The following SLC25A28 variants were observed in gnomAD, a reference collection of about 807,000 sequenced individuals.
SLC25A28 encodes the protein mitoferrin-2.
SLC25A28 carries 10 observed loss-of-function variants against 31.9 expected under a neutral mutation model. That is an observed-to-expected ratio of 0.31 (90% CI 0.19 to 0.53). SLC25A28 has a LOEUF of 0.53. Ranked by LOEUF, SLC25A28 falls within the 20% of genes least tolerant of loss-of-function variation. SLC25A28 has a pLI of 0.95. For synonymous variants in SLC25A28, 208 were observed against 203.6 expected (o/e 1.02, Z -0.19); for missense variants, 256 against 490.3 (o/e 0.52, Z 4.51).
chr10:99,620,281 G>T lies in SLC25A28; in HGVS notation c.55C>A (p.Pro19Thr). The T allele has an allele frequency of 1.7e-6, 2 of 1,194,736 alleles. No individual in the cohort carries two copies. Among genetic ancestry groups the T allele is most frequent in the Non-Finnish European group, 2.1e-6 (2 of 964,316 alleles). 74.0% of individuals were successfully genotyped at this position (1,194,736 alleles called of 1,614,324 possible). The change falls in exon 1 of 4, where the codon CCC (proline) becomes ACC (threonine). Residue 19 changes from proline (P) to threonine (T), a missense_variant. Pro to Thr is a conservative substitution (Grantham distance 38, BLOSUM62 -1). This residue lies in a region of SLC25A28 where 47 missense variants were observed against 41.4 expected (regional missense o/e 1.14). Coordinates refer to ENST00000370495, the MANE Select transcript of SLC25A28 (RefSeq NM_031212.4). ...GCCGACTCCCCGGGGCTCCGCCCGG[G>T]CCCTGCCGCCGGCCCCCCCGCCACA... The part of the protein sequence containing the change: ...GGVAGGPAAG[P>T]GRSPGESALL...
intron 1 of SLC25A28, chr10:99,615,891 G>T: frequency 1.0e-6 from 1 of 985,374 alleles, no homozygotes. Context: ...AATTCTGAAC[G>T]GTTTGGCTTC....
the SLC25A28 span, among the ~76,000 whole-genome samples, chr10:99,629,954 G>A: frequency 2.0e-5 from 3 of 152,108 alleles, no homozygotes. Context: ...TGGGTGGATC[G>A]CTTGAGCCTA....
At chr10:99,635,305 G>A in the SLC25A28 span, among the ~76,000 whole-genome samples, 1 of 152,124 alleles carries the variant, frequency 6.6e-6, no homozygotes, top group African/African-American at 2.4e-5. Flanking sequence ...TGAATGCAAC[G>A]TTACCTCACA....
At chr10:99,658,955 G>C in the SLC25A28 span, among the ~76,000 whole-genome samples, 4 of 152,174 alleles carry the variant, frequency 2.6e-5, no homozygotes, top group Non-Finnish European at 5.9e-5. Flanking sequence ...TGGTGTAAAC[G>C]TCATTGTCTT....
the SLC25A28 span, among the ~76,000 whole-genome samples, chr10:99,639,717 A>C: frequency 1.7e-5 from 2 of 114,388 alleles, no homozygotes; most frequent in African/African-American, 3.6e-5. Context: ...GGCCAGCACC[A>C]TGGGTACACA....
the SLC25A28 span, among the ~76,000 whole-genome samples, chr10:99,646,916 C>T: frequency 3.9e-5 from 6 of 152,332 alleles, no homozygotes; most frequent in African/African-American, 1.2e-4. Flanking sequence ...TAAGTGAGAA[C>T]ATGCTGTATT....
the SLC25A28 span, among the ~76,000 whole-genome samples, chr10:99,651,594 C>CTTTTTTTTTTTTTTTTTTTTTTT: frequency 1.5e-3 from 170 of 110,114 alleles, 8 homozygotes; most frequent in Non-Finnish European, 1.8e-3. Context: ...TTTTTCTTTT[C>CTTTTTTTTTTTTTTTTTTTTTTT]TTTTTTTTTT....
At chr10:99,630,834 G>C in the SLC25A28 span, among the ~76,000 whole-genome samples, 4 of 152,056 alleles carry the variant, frequency 2.6e-5, no homozygotes, top group African/African-American at 9.7e-5. Flanking sequence ...GTGAGATGAA[G>C]GAAAGGCACA....
chr10:99,639,526 G>A, the SLC25A28 span, among the ~76,000 whole-genome samples: 6 of 151,718 alleles, frequency 4.0e-5, no homozygotes, highest in Non-Finnish European at 7.4e-5. Context: ...CAATTTCAAG[G>A]AATGCCCAAT....
the SLC25A28 span, among the ~76,000 whole-genome samples, chr10:99,626,534 T>C: frequency 6.6e-6 from 1 of 152,212 alleles, no homozygotes; most frequent in Non-Finnish European, 1.5e-5. Context: ...CCTTTTATCT[T>C]ACAAAAGAAA....
At chr10:99,616,993 C>A (rs898162349) in intron 1 of SLC25A28, 23 of 985,072 alleles carry the variant, frequency 2.3e-5, no homozygotes, top group Non-Finnish European at 4.8e-6. Flanking sequence ...ATTTCCTAAT[C>A]TTTCACAGGT....
At chr10:99,652,958 G>A in the SLC25A28 span, among the ~76,000 whole-genome samples, 14 of 152,228 alleles carry the variant, frequency 9.2e-5, no homozygotes, top group South Asian at 1.5e-3. Flanking sequence ...TTGGGGTCCC[G>A]AAGAGGATTA....
chr10:99,639,597 A>T, the SLC25A28 span, among the ~76,000 whole-genome samples: 1 of 152,004 alleles, frequency 6.6e-6, no homozygotes, highest in African/African-American at 2.4e-5. Context: ...ACTAGGTAAT[A>T]ACTCTTACTC....
chr10:99,620,295 C>A lies in SLC25A28; in HGVS notation c.41G>T (p.Gly14Val). ...GCTCCGCCCGGGCCCTGCCGCCGGC[C>A]CCCCCGCCACACCGCCAGCACCCCG... ...EGRGAGGVAG[G>V]PAAGPGRSPG... The change falls in exon 1 of 4, where the codon GGG (glycine) becomes GTG (valine). Residue 14 changes from glycine (G) to valine (V), a missense_variant. Around this residue, in one of 4 missense-constraint regions of SLC25A28, gnomAD observed 47 missense variants for 41.4 expected, o/e 1.14. Coordinates refer to ENST00000370495, the MANE Select transcript of SLC25A28 (RefSeq NM_031212.4). 3.4e-6 allele frequency: 4 copies of A among 1,174,510 alleles called. No homozygotes were observed. Among genetic ancestry groups the A allele is most frequent in the Non-Finnish European group, 4.2e-6 (4 of 950,754 alleles). The allele number at this position is 1,174,510 out of a possible 1,614,324, so 72.8% of individuals were successfully genotyped here. A position where few individuals can be genotyped will look rare whatever the true frequency, so the allele number is the denominator to read the frequency against.
At chr10:99,650,332 G>A in the SLC25A28 span, among the ~76,000 whole-genome samples, 1 of 152,042 alleles carries the variant, frequency 6.6e-6, no homozygotes, top group South Asian at 2.1e-4. Context: ...TGCACATCAC[G>A]ATGCCCAGCA....
chr10:99,648,035 T>G, the SLC25A28 span, among the ~76,000 whole-genome samples: 1 of 152,090 alleles, frequency 6.6e-6, no homozygotes, highest in Non-Finnish European at 1.5e-5. Flanking sequence ...AGTCTCACTT[T>G]GTCACCAGGC....
At chr10:99,626,652 A>G in the SLC25A28 span, among the ~76,000 whole-genome samples, 11 of 152,240 alleles carry the variant, frequency 7.2e-5, no homozygotes, top group African/African-American at 9.6e-5. Flanking sequence ...CAATCAAGAT[A>G]TAACAGTAGA....
the SLC25A28 span, among the ~76,000 whole-genome samples, chr10:99,627,772 A>G: frequency 6.6e-6 from 1 of 152,098 alleles, no homozygotes; most frequent in Non-Finnish European, 1.5e-5. Context: ...TGTACAATTA[A>G]GTTATTATTA....
the SLC25A28 span, among the ~76,000 whole-genome samples, chr10:99,632,515 A>G: frequency 2.6e-5 from 4 of 152,150 alleles, no homozygotes; most frequent in African/African-American, 4.8e-5. Flanking sequence ...CAGGCATACT[A>G]TATACTATAG....
Sources: gnomAD v4.1 joint callset for allele counts (sites outside exome capture counted in the v4.1 genomes callset) on GRCh38, gnomAD v4.1.1 for gene constraint, gnomAD v4.1.1 regional missense constraint, MANE v1.5 for transcripts, NCBI Gene and HGNC (gene_info 2026-07-23, HGNC 2026-07-21) for gene names.